The following RPA3 variants were observed in gnomAD, a reference collection of about 807,000 sequenced individuals.
The protein encoded by RPA3 is replication protein A 14 kDa subunit.
In RPA3, 24 loss-of-function variants were observed where a neutral mutation model predicts 13.7. The ratio of observed to expected loss-of-function variants is 1.75; its 90% CI spans 1.27 to 2.46. The LOEUF (loss-of-function observed/expected upper bound fraction) is 2.46. Ranked by LOEUF, RPA3 falls within the 30% of genes most tolerant of loss-of-function variation. The pLI is 0.00. For synonymous variants in RPA3, 59 were observed against 51.2 expected (o/e 1.15, Z -0.65); for missense variants, 183 against 151.0 (o/e 1.21, Z -1.11).
chr7:7,646,449 T>A (rs1430555845), intron 4 of RPA3, among the ~76,000 whole-genome samples: 2 of 150,826 alleles, frequency 1.3e-5, no homozygotes, highest in African/African-American at 2.4e-5. Flanking sequence ...CGAGATCTGA[T>A]GGCTTTATAA....
At chr7:7,677,248 A>G (rs568376357) in intron 4 of RPA3, among the ~76,000 whole-genome samples, 15 of 152,306 alleles carry the variant, frequency 9.8e-5, no homozygotes, top group African/African-American at 3.4e-4. Flanking sequence ...TTGTGTTAGC[A>G]ACATTCAATT....
intron 2 of RPA3, among the ~76,000 whole-genome samples, chr7:7,710,608 G>A (rs954171362): frequency 1.3e-5 from 2 of 152,240 alleles, no homozygotes; most frequent in African/African-American, 4.8e-5. Context: ...TGATAGGAAT[G>A]TAAAATGGTA....
chr7:7,691,487 A>G (rs1289342818), intron 2 of RPA3, among the ~76,000 whole-genome samples: 2 of 152,238 alleles, frequency 1.3e-5, no homozygotes, highest in Non-Finnish European at 2.9e-5. Context: ...TGCAAAGAGC[A>G]TTTTGACTTC....
intron 4 of RPA3, among the ~76,000 whole-genome samples, chr7:7,679,820 C>T (rs1402717742): frequency 6.6e-6 from 1 of 151,084 alleles, no homozygotes; most frequent in Non-Finnish European, 1.5e-5. Flanking sequence ...CTGCCTCTGC[C>T]TCCCAAAGTG....
chr7:7,716,574 C>T (rs1464853391), intron 1 of RPA3, among the ~76,000 whole-genome samples: 2 of 152,192 alleles, frequency 1.3e-5, no homozygotes, highest in African/African-American at 4.8e-5. Context: ...TTTTCTTTGT[C>T]ACCACGTGCA....
intron 4 of RPA3, among the ~76,000 whole-genome samples, chr7:7,666,175 G>T (rs1014347392): frequency 6.4e-5 from 9 of 141,626 alleles, no homozygotes; most frequent in Non-Finnish European, 1.1e-4. Context: ...CAACACTTGG[G>T]AAAGTGTTTT....
At chr7:7,705,908 A>T (rs1780587799) in intron 2 of RPA3, among the ~76,000 whole-genome samples, 2 of 152,088 alleles carry the variant, frequency 1.3e-5, no homozygotes, top group South Asian at 4.1e-4. Context: ...TTATATGGGA[A>T]TTCTCTGTAC....
At chr7:7,697,952 C>T (rs969428540) in intron 2 of RPA3, among the ~76,000 whole-genome samples, 2 of 152,130 alleles carry the variant, frequency 1.3e-5, no homozygotes, top group Non-Finnish European at 1.5e-5. Context: ...GAAATAAAAA[C>T]TTTGGGGAGT....
chr7:7,700,897 A>C (rs529884362), intron 2 of RPA3, among the ~76,000 whole-genome samples: 2 of 151,870 alleles, frequency 1.3e-5, no homozygotes, highest in Non-Finnish European at 2.9e-5. Context: ...TTAAAAAAAA[A>C]CAAAATGCCA....
chr7:7,640,838 G>C lies in RPA3; in HGVS notation c.-420C>G, dbSNP rs1265763773. ...CAGCCTCAGGTACCTCGTCTCGCGG[G>C]AGGCGCCGCAACCTTACTGTTTCCC... On this transcript the variant is annotated 5_prime_UTR_variant, in exon 5 of 8. Transcript: ENST00000223129. 3 of 198,798 alleles carry C rather than the reference G, an allele frequency of 1.5e-5. No homozygotes were observed. Among genetic ancestry groups the C allele is most frequent in the African/African-American group, 7.1e-5 (3 of 42,352 alleles). 12.3% of individuals were successfully genotyped at this position (198,798 alleles called of 1,614,324 possible).
At chr7:7,668,204 TGCCTG>T (rs1478483593) in intron 4 of RPA3, among the ~76,000 whole-genome samples, 1 of 152,266 alleles carries the variant, frequency 6.6e-6, no homozygotes, top group East Asian at 1.9e-4. Context: ...TAAGCCACCA[TGCCTG>T]GTCCTACTTT....
At chr7:7,637,433 T>C (rs556365790) in intron 7 of RPA3, among the ~76,000 whole-genome samples, 1 of 152,236 alleles carries the variant, frequency 6.6e-6, no homozygotes, top group South Asian at 2.1e-4. Context: ...CTTTACTGAG[T>C]TTCTTACATA....
chr7:7,705,510 G>A (rs1372358202), intron 2 of RPA3, among the ~76,000 whole-genome samples: 10 of 152,130 alleles, frequency 6.6e-5, no homozygotes, highest in Non-Finnish European at 1.3e-4. Flanking sequence ...ATTACAAAAT[G>A]CTTAATACAT....
intron 4 of RPA3, among the ~76,000 whole-genome samples, chr7:7,656,420 A>T (rs1785344659): frequency 6.6e-6 from 1 of 152,068 alleles, no homozygotes; most frequent in Non-Finnish European, 1.5e-5. Context: ...GCATCCATCA[A>T]TCTGTCATCT....
intron 2 of RPA3, among the ~76,000 whole-genome samples, chr7:7,694,302 A>G (rs1780253146): frequency 6.6e-6 from 1 of 152,188 alleles, no homozygotes; most frequent in Non-Finnish European, 1.5e-5. Flanking sequence ...TGATACAGGC[A>G]TACACATATA....
chr7:7,689,518 C>T (rs1780123017), intron 2 of RPA3: 1 of 152,164 alleles, frequency 6.6e-6, no homozygotes, highest in Non-Finnish European at 1.5e-5. Context: ...GTTTATGTTA[C>T]TTGCAGCTGA....
intron 2 of RPA3, among the ~76,000 whole-genome samples, chr7:7,709,423 T>C (rs1456331609): frequency 6.6e-6 from 1 of 152,218 alleles, no homozygotes; most frequent in East Asian, 1.9e-4. Context: ...AGGTCAGATG[T>C]TGGTGTTGAC....
intron 2 of RPA3, among the ~76,000 whole-genome samples, chr7:7,712,724 A>G (rs558650699): frequency 6.6e-6 from 1 of 152,318 alleles, no homozygotes; most frequent in African/African-American, 2.4e-5. Context: ...AGAAGTGTCA[A>G]AGAAAACATC....
At chr7:7,658,462 C>G (rs189041457) in intron 4 of RPA3, among the ~76,000 whole-genome samples, 1 of 152,216 alleles carries the variant, frequency 6.6e-6, no homozygotes, top group African/African-American at 2.4e-5. Context: ...ATAAATAGCT[C>G]TTATTATTTT....
Sources: allele counts gnomAD v4.1 joint callset (sites outside exome capture counted in the v4.1 genomes callset), GRCh38; gene constraint gnomAD v4.1.1; transcripts MANE v1.5; gene names NCBI Gene and HGNC (gene_info 2026-07-23, HGNC 2026-07-21).